CSMD3: variants seen among roughly 807,000 people sequenced by gnomAD.
CSMD3 encodes CUB and sushi domain-containing protein 3.
A neutral mutation model predicts 435.2 loss-of-function variants in CSMD3; 177 were observed. The ratio of observed to expected loss-of-function variants is 0.41; its 90% CI spans 0.36 to 0.46. The LOEUF is 0.46. CSMD3 is among the 20% of genes least tolerant of loss of function. The probability of loss-of-function intolerance (pLI) is 0.34; values close to 1 mark genes in which losing one functional copy is unlikely to be tolerated. For missense variants in CSMD3, 4,265 were observed against 4,504.6 expected (o/e 0.95, Z 1.52); for synonymous variants, 1,656 against 1,520.5 (o/e 1.09, Z -2.07).
Position 112,573,583 on chromosome 8 carries a change from A to C in CSMD3, c.3960T>G (p.Leu1320=), listed in dbSNP as rs1214357903. Reference sequence around the variant, plus strand: ...GCCAGAGTTGATTTGAAGTACTACTAAGTGTCAGTCCGCGCATAGATGCAC... The same window carrying C: ...GCCAGAGTTGATTTGAAGTACTACTCAGTGTCAGTCCGCGCATAGATGCAC... ...FTGASMRGLT[L]SSTSNQLWLE... Residue 1320 remains leucine, a synonymous_variant, in exon 24 of 71, where the codon CTT becomes CTG. Transcript: ENST00000297405. The C allele has an allele frequency of 6.2e-7, 1 of 1,613,262 alleles. No homozygotes were observed. Among genetic ancestry groups the C allele is most frequent in the South Asian group, 1.1e-5 (1 of 91,078 alleles).
At chr8:112,834,211 C>T (rs2079958772) in intron 11 of CSMD3, among the ~76,000 whole-genome samples, 1 of 151,868 alleles carries the variant, frequency 6.6e-6, no homozygotes, top group African/African-American at 2.4e-5. Context: ...TGGATAAGCA[C>T]TTAACCACTG....
At chr8:113,041,781 A>T (rs868826359) in intron 5 of CSMD3, among the ~76,000 whole-genome samples, 23 of 152,134 alleles carry the variant, frequency 1.5e-4, no homozygotes, top group African/African-American at 2.2e-4. Context: ...TTCTATTCAG[A>T]AATTAAATGA....
chr8:112,833,513 T>C lies in CSMD3; in HGVS notation c.1756-3724A>G, dbSNP rs78387382. On this transcript the variant is annotated intron_variant, in intron 11 of 70. Transcript: ENST00000297405. ...CATTTGTAAATTATTTTTAGTTTCT[T>C]ACATAGCAAGCATGTCTTCTGTAAA... Among the ~76,000 whole-genome samples, 463 of 152,196 alleles carry C rather than the reference T, an allele frequency of 3.0e-3. 2 individuals carry two copies. The highest frequency in any genetic ancestry group is 5.5e-3 in the Non-Finnish European group (376 of 67,936).
intron 9 of CSMD3, among the ~76,000 whole-genome samples, chr8:112,939,803 GGTAAA>G (rs1037780669): frequency 9.2e-5 from 14 of 151,930 alleles, no homozygotes; most frequent in African/African-American, 3.1e-4. Flanking sequence ...GAAGTGAGAA[GGTAAA>G]GTAGATTCAA....
At chr8:112,376,517 T>C (rs773134058) in intron 38 of CSMD3, among the ~76,000 whole-genome samples, 16 of 152,062 alleles carry the variant, frequency 1.1e-4, no homozygotes, top group Non-Finnish European at 1.8e-4. Context: ...CACTGAGAGT[T>C]TCACGTCATT....
chr8:112,385,083 C>A (rs1032994819), intron 36 of CSMD3, among the ~76,000 whole-genome samples: 4 of 151,932 alleles, frequency 2.6e-5, no homozygotes, highest in African/African-American at 4.8e-5. Context: ...GGGGTATTTA[C>A]ATAAGAATAA....
chr8:112,225,888 T>G (rs970252084), intron 70 of CSMD3, among the ~76,000 whole-genome samples: 2 of 152,164 alleles, frequency 1.3e-5, no homozygotes, highest in African/African-American at 4.8e-5. Context: ...CTTTGACTAA[T>G]GCTAATCTAG....
At chr8:112,641,202 G>A (rs938724709) in intron 20 of CSMD3, among the ~76,000 whole-genome samples, 6 of 152,152 alleles carry the variant, frequency 3.9e-5, no homozygotes, top group South Asian at 2.1e-4. Flanking sequence ...CTGGCCAGCC[G>A]CTTTGTAAAA....
intron 50 of CSMD3, among the ~76,000 whole-genome samples, chr8:112,307,802 T>C (rs1821589340): frequency 6.6e-6 from 1 of 152,170 alleles, no homozygotes. Context: ...AGATTTATAT[T>C]TTCTCTCATA....
chr8:113,258,215 A>G (rs1338545043), intron 3 of CSMD3, among the ~76,000 whole-genome samples: 1 of 152,170 alleles, frequency 6.6e-6, no homozygotes, highest in Non-Finnish European at 1.5e-5. Flanking sequence ...ATTGGTGCTT[A>G]TTGTATGTTT....
chr8:112,707,554 G>A (rs772599516), intron 13 of CSMD3, among the ~76,000 whole-genome samples: 2 of 151,894 alleles, frequency 1.3e-5, no homozygotes, highest in Non-Finnish European at 2.9e-5. Context: ...CAGTTAAACA[G>A]GCAATTTGGA....
intron 5 of CSMD3, among the ~76,000 whole-genome samples, chr8:113,090,622 T>A (rs1245375428): frequency 6.6e-6 from 1 of 152,138 alleles, no homozygotes; most frequent in Admixed American, 6.6e-5. Context: ...TTCTTCCCCA[T>A]CCACACTGTG....
Position 113,250,967 on chromosome 8 carries a change from T to G in CSMD3, c.514+27625A>C, listed in dbSNP as rs554196930. 8.5e-5 allele frequency among the ~76,000 whole-genome samples: 13 copies of G among 152,140 alleles called. 1 individual carries two copies. Among genetic ancestry groups the G allele is most frequent in the Admixed American group, 8.5e-4 (13 of 15,250 alleles). On this transcript the variant is annotated intron_variant, in intron 3 of 70. Coordinates refer to ENST00000297405, the MANE Select transcript of CSMD3 (RefSeq NM_198123.2). ...AGTTTAAGTGGATGTGAAAATTGCC[T>G]TGCAGAAGGGTTACTAGGTAGAAAT... is the stretch of plus-strand genomic sequence containing the variant.
intron 32 of CSMD3, among the ~76,000 whole-genome samples, chr8:112,436,292 A>G (rs561379521): frequency 6.6e-6 from 1 of 152,054 alleles, no homozygotes; most frequent in South Asian, 2.1e-4. Context: ...AATATAATAA[A>G]GTTATAAAAG....
intron 3 of CSMD3, among the ~76,000 whole-genome samples, chr8:113,258,090 A>G (rs2093398204): frequency 6.6e-6 from 1 of 152,326 alleles, no homozygotes; most frequent in South Asian, 2.1e-4. Flanking sequence ...TGACAAAATA[A>G]AAAATGATAT....
chr8:113,322,303 T>G (rs1162661686), intron 1 of CSMD3, among the ~76,000 whole-genome samples: 3 of 152,172 alleles, frequency 2.0e-5, no homozygotes, highest in Non-Finnish European at 4.4e-5. Flanking sequence ...TTGTACTGGT[T>G]TACTTATCAC....
At chr8:112,448,181 C>A (rs961892023) in intron 32 of CSMD3, among the ~76,000 whole-genome samples, 1 of 152,170 alleles carries the variant, frequency 6.6e-6, no homozygotes, top group African/African-American at 2.4e-5. Flanking sequence ...TAGACTACTG[C>A]CTTCTTGCTG....
rs182093502 is a variant in CSMD3, at chr8:112,774,308, C to T, written c.1972+25854G>A. On this transcript the variant is annotated intron_variant, in intron 13 of 70. Transcript: ENST00000297405. ...ATTTATATTTCAGATATGTAACACA[C>T]CTCTGAATTGTGGAACTTATCTACA... Among the ~76,000 whole-genome samples, 217 of 151,902 alleles carry T rather than the reference C, an allele frequency of 1.4e-3. 1 individual carries two copies. Among genetic ancestry groups the T allele is most frequent in the East Asian group, 1.8e-3 (9 of 5,138 alleles).
At chr8:113,208,735 A>G (rs1173909842) in intron 3 of CSMD3, among the ~76,000 whole-genome samples, 3 of 152,038 alleles carry the variant, frequency 2.0e-5, no homozygotes, top group Admixed American at 1.3e-4. Flanking sequence ...ATGCAGCAAC[A>G]TTAATTTATA....
Sources: allele counts gnomAD v4.1 joint callset (sites outside exome capture counted in the v4.1 genomes callset), GRCh38; gene constraint gnomAD v4.1.1; transcripts MANE v1.5; gene names NCBI Gene and HGNC (gene_info 2026-07-23, HGNC 2026-07-21).